Variants in QDPR observed in about 807,000 individuals in gnomAD.
QDPR encodes dihydropteridine reductase.
A neutral mutation model predicts 31.7 loss-of-function variants in QDPR; 23 were observed. The ratio of observed to expected loss-of-function variants is 0.73; its 90% CI spans 0.52 to 1.03. The LOEUF is 1.03. Ranked by LOEUF, QDPR falls within the 50% of genes least tolerant of loss-of-function variation. The pLI is 0.00. For missense variants in QDPR, 324 were observed against 323.8 expected, an observed-to-expected ratio of 1.00 and a Z score of 0.00; for synonymous variants, 124 against 124.7, an observed-to-expected ratio of 0.99 and a Z score of 0.03.
intron 1 of QDPR, among the ~76,000 whole-genome samples, chr4:17,511,633 T>A (rs1719011540): frequency 6.6e-6 from 1 of 151,984 alleles, no homozygotes; most frequent in Non-Finnish European, 1.5e-5. Flanking sequence ...CCTTCTACAC[T>A]CTCTCTCCGT....
At chr4:17,495,280 C>T (rs990496501) in intron 4 of QDPR, among the ~76,000 whole-genome samples, 3 of 152,188 alleles carry the variant, frequency 2.0e-5, no homozygotes, top group African/African-American at 7.2e-5. Context: ...TGGAAAGGGG[C>T]TGCCAGGGTC....
intron 4 of QDPR, among the ~76,000 whole-genome samples, chr4:17,496,143 G>A (rs1718342590): frequency 6.6e-6 from 1 of 151,976 alleles, no homozygotes; most frequent in Admixed American, 6.6e-5. Flanking sequence ...CAAAAACTGT[G>A]GGAATGAAAA....
intron 4 of QDPR, among the ~76,000 whole-genome samples, chr4:17,500,609 A>G (rs1448239949): frequency 1.3e-5 from 2 of 152,216 alleles, no homozygotes; most frequent in African/African-American, 4.8e-5. Context: ...ATCTATAAAA[A>G]AAGAGGATTC....
rs758057470 is a variant in QDPR at position 17,490,644 on chromosome 4, C to T, written c.629+18G>A. 1.7e-5 allele frequency: 27 copies of T among 1,595,832 alleles called. No individual in the cohort carries two copies. The South Asian group carries it at 2.2e-4, about 13-fold the overall frequency. ...GGGCTGGAAGCTGCTCAGTCATGGA[C>T]ATGTCTGTAATACTCACTCAACTAG... On this transcript the variant is annotated intron_variant, in intron 6 of 6. Coordinates refer to ENST00000281243, the MANE Select transcript of QDPR (RefSeq NM_000320.3).
At chr4:17,495,175 T>TG (rs1718308079) in intron 4 of QDPR, among the ~76,000 whole-genome samples, 1 of 152,124 alleles carries the variant, frequency 6.6e-6, no homozygotes, top group African/African-American at 2.4e-5. Context: ...TTATCAGCAG[T>TG]GGAAGGACTG....
chr4:17,511,243 G>A (rs1307557034), intron 1 of QDPR, among the ~76,000 whole-genome samples: 2 of 152,036 alleles, frequency 1.3e-5, no homozygotes, highest in Non-Finnish European at 2.9e-5. Context: ...AGGGTCTTTG[G>A]CCATGTATCA....
At chr4:17,497,984 A>C (rs547032622) in intron 4 of QDPR, among the ~76,000 whole-genome samples, 1 of 152,178 alleles carries the variant, frequency 6.6e-6, no homozygotes, top group African/African-American at 2.4e-5. Context: ...CCCCGCAGGC[A>C]TGTGGCAGGA....
chr4:17,504,525 A>G (rs756023246), intron 2 of QDPR, 50 bp from the exon 3 acceptor site: 1 of 1,431,938 alleles, frequency 7.0e-7, no homozygotes, highest in South Asian at 1.1e-5. Context: ...AAGCCAACAC[A>G]GGCTAGCATC....
rs1481530951 is a variant in QDPR, at chr4:17,488,035, G to A, written c.630-799C>T. Among the ~76,000 whole-genome samples, 3 of 152,164 alleles carry A rather than the reference G, an allele frequency of 2.0e-5. No homozygotes were observed. In the South Asian group the frequency reaches 6.2e-4, roughly 31 times the overall value. On this transcript the variant is annotated intron_variant, in intron 6 of 6. Coordinates refer to ENST00000281243, the MANE Select transcript of QDPR (RefSeq NM_000320.3). ...CTCAGCAATTTGGGAGGCTGAGGCA[G>A]GTGGATCACTTGAGCCCAGGAGTTT... is the stretch of plus-strand genomic sequence containing the variant.
Position 17,490,740 on chromosome 4 carries a change from G to A in QDPR, c.551C>T (p.Thr184Ile). 1 of 1,613,382 alleles carries A rather than the reference G, an allele frequency of 6.2e-7. No individual in the cohort carries two copies. The highest frequency in any genetic ancestry group is 8.5e-7 in the Non-Finnish European group (1 of 1,179,480). ...GAAAIAVLPV[T>I]LDTPMNRKSM... ...TTTCCTGTTCATCGGGGTATCCAGG[G>A]TAACCCTGCAATGGACACAGATAAG... Residue 184 changes from threonine to isoleucine, a missense_variant, in exon 6 of 7, where the codon ACC (threonine) becomes ATC (isoleucine). Thr to Ile is a moderately conservative substitution (Grantham distance 89). Coordinates refer to ENST00000281243, the MANE Select transcript of QDPR (RefSeq NM_000320.3).
chr4:17,508,091 G>C (rs1718851421), intron 2 of QDPR, among the ~76,000 whole-genome samples: 1 of 152,154 alleles, frequency 6.6e-6, no homozygotes. Flanking sequence ...TGTTTTGTTA[G>C]TGTTCCTGCT....
intron 2 of QDPR, 55 bp downstream of exon 2, chr4:17,509,216 G>A (rs2108997208): frequency 7.6e-7 from 1 of 1,310,144 alleles, no homozygotes; most frequent in East Asian, 2.3e-5. Context: ...TACAGCCAGT[G>A]GTCACCTCTC....
At chr4:17,510,870 C>T (rs1718981174) in intron 1 of QDPR, among the ~76,000 whole-genome samples, 2 of 152,164 alleles carry the variant, frequency 1.3e-5, no homozygotes, top group African/African-American at 4.8e-5. Context: ...TCCCCAAGCA[C>T]TGAGCAGATG....
At chr4:17,494,686 T>C (rs370388304) in intron 4 of QDPR, among the ~76,000 whole-genome samples, 41 of 152,352 alleles carry the variant, frequency 2.7e-4, no homozygotes, top group African/African-American at 7.7e-4. Flanking sequence ...CTGGCCATTA[T>C]TGTCATTCAT....
intron 2 of QDPR, among the ~76,000 whole-genome samples, chr4:17,506,851 C>A (rs1718804025): frequency 6.6e-6 from 1 of 152,146 alleles, no homozygotes; most frequent in South Asian, 2.1e-4. Context: ...TTTTACATTC[C>A]AATCTATGTC....
rs1371278363 is a variant in QDPR at position 17,492,237 on chromosome 4, C to A, written c.540G>T (p.Val180=). Residue 180 remains valine, a synonymous_variant, in exon 5 of 7, where the codon GTG becomes GTT. Transcript: ENST00000281243. The part of the protein sequence containing the change: ...GMPPGAAAIA[V]LPVTLDTPMN... ...AGGGAACCCCAAGCACTTACGGGAG[C>A]ACAGCGATGGCGGCTGCCCCGGGCG... is the stretch of plus-strand genomic sequence containing the variant. 6.2e-7 allele frequency: 1 copy of A among 1,613,602 alleles called. No homozygotes were observed. Among genetic ancestry groups the A allele is most frequent in the East Asian group, 2.2e-5 (1 of 44,896 alleles).
chr4:17,500,725 A>G (rs1718531481), intron 4 of QDPR, among the ~76,000 whole-genome samples: 2 of 152,240 alleles, frequency 1.3e-5, no homozygotes, highest in South Asian at 4.1e-4. Context: ...TGGCTACCCA[A>G]ACAAACTAAT....
At chr4:17,496,442 CAAAAAAAAAAAAA>C (rs747311750) in intron 4 of QDPR, among the ~76,000 whole-genome samples, 5,522 of 64,964 alleles carry the variant, frequency 0.085, 490 homozygotes, top group African/African-American at 0.29. Flanking sequence ...AAAACTGTCT[CAAAAAAAAAAAAA>C]AAAAAAAAAA....
intron 6 of QDPR, among the ~76,000 whole-genome samples, chr4:17,487,641 C>T (rs897549635): frequency 6.6e-6 from 1 of 150,720 alleles, no homozygotes; most frequent in Admixed American, 6.6e-5. Context: ...CTCCGTCTCA[C>T]AAAAAATAAT....
Sources: allele counts gnomAD v4.1 joint callset (sites outside exome capture counted in the v4.1 genomes callset), GRCh38; gene constraint gnomAD v4.1.1; transcripts MANE v1.5; gene names NCBI Gene and HGNC (gene_info 2026-07-23, HGNC 2026-07-21).